Variants in ZNF892 observed in about 807,000 individuals in gnomAD.
ZNF892 encodes the protein zinc finger protein 892, also known as zinc finger protein 570-like.
chr2:95,211,775 C>T, the ZNF892 span: 1 of 398,308 alleles, frequency 2.5e-6, no homozygotes, highest in Non-Finnish European at 4.4e-6. Context: ...ACCTTGTCCT[C>T]CTCAGTTCCT....
the ZNF892 span, among the ~76,000 whole-genome samples, chr2:95,238,098 A>G: frequency 8.5e-5 from 13 of 152,274 alleles, no homozygotes; most frequent in African/African-American, 3.1e-4. Context: ...GCTACACGCA[A>G]CAACAGATTT....
chr2:95,235,510 A>C, the ZNF892 span, among the ~76,000 whole-genome samples: 4 of 152,184 alleles, frequency 2.6e-5, no homozygotes, highest in African/African-American at 7.2e-5. Context: ...TACAGGCGCC[A>C]GCCACCATGC....
the ZNF892 span, among the ~76,000 whole-genome samples, chr2:95,248,888 ATGCCC>A: frequency 6.6e-6 from 1 of 152,132 alleles, no homozygotes; most frequent in South Asian, 2.1e-4. Flanking sequence ...TAATGGAAAC[ATGCCC>A]TTCATTCTTT....
chr2:95,231,051 G>A, the ZNF892 span, among the ~76,000 whole-genome samples: 19 of 152,194 alleles, frequency 1.2e-4, no homozygotes, highest in Admixed American at 1.2e-3. Context: ...TTCTTATAAA[G>A]ATACCCATTG....
the ZNF892 span, among the ~76,000 whole-genome samples, chr2:95,253,365 G>C: frequency 6.6e-6 from 1 of 152,132 alleles, no homozygotes; most frequent in African/African-American, 2.4e-5. Context: ...TCTTGTTTCT[G>C]TCAGGTTTGT....
At chr2:95,257,408 G>T in the ZNF892 span, among the ~76,000 whole-genome samples, 1 of 152,316 alleles carries the variant, frequency 6.6e-6, no homozygotes, top group South Asian at 2.1e-4. Context: ...AGCAAATGTT[G>T]CTGCCTGATC....
the ZNF892 span, among the ~76,000 whole-genome samples, chr2:95,211,276 C>G: frequency 6.6e-6 from 1 of 152,212 alleles, no homozygotes; most frequent in Admixed American, 6.5e-5. Flanking sequence ...TTCATAATTA[C>G]ATTTTTCTCT....
the ZNF892 span, among the ~76,000 whole-genome samples, chr2:95,239,605 TG>T: frequency 6.6e-6 from 1 of 152,024 alleles, no homozygotes; most frequent in Non-Finnish European, 1.5e-5. Context: ...GATAGTTTTT[TG>T]TTTTTTTTTT....
At chr2:95,207,660 G>T in the ZNF892 span, 1 of 395,784 alleles carries the variant, frequency 2.5e-6, no homozygotes, top group South Asian at 1.4e-4. Flanking sequence ...CTTTTAATCT[G>T]AGTGTCCGGG....
chr2:95,239,246 G>A, the ZNF892 span, among the ~76,000 whole-genome samples: 3 of 152,234 alleles, frequency 2.0e-5, no homozygotes, highest in South Asian at 6.2e-4. Flanking sequence ...TTGTGGATGA[G>A]CAAAGGAAGT....
At chr2:95,224,635 C>A in the ZNF892 span, among the ~76,000 whole-genome samples, 23 of 152,322 alleles carry the variant, frequency 1.5e-4, no homozygotes, top group South Asian at 3.1e-3. Flanking sequence ...ATCCAATCGC[C>A]TCCAATCAGG....
the ZNF892 span, among the ~76,000 whole-genome samples, chr2:95,223,148 T>C: frequency 6.6e-6 from 1 of 152,224 alleles, no homozygotes; most frequent in East Asian, 1.9e-4. Context: ...ACTGTAGCTT[T>C]GTAGTAAATC....
chr2:95,218,424 G>A, the ZNF892 span, among the ~76,000 whole-genome samples: 2 of 152,250 alleles, frequency 1.3e-5, no homozygotes, highest in South Asian at 4.1e-4. Flanking sequence ...GTTCAGAGAA[G>A]TTCTTTGCCA....
At chr2:95,235,927 T>C in the ZNF892 span, among the ~76,000 whole-genome samples, 2 of 152,058 alleles carry the variant, frequency 1.3e-5, no homozygotes, top group African/African-American at 4.8e-5. Context: ...TCCCCAGAGG[T>C]TGCAGCTTTA....
the ZNF892 span, among the ~76,000 whole-genome samples, chr2:95,253,153 C>T: frequency 1.3e-5 from 2 of 152,120 alleles, no homozygotes; most frequent in Admixed American, 6.6e-5. Context: ...ACATGAAGTC[C>T]TTGCCCATGC....
chr2:95,233,291 C>T, the ZNF892 span, among the ~76,000 whole-genome samples: 1 of 151,474 alleles, frequency 6.6e-6, no homozygotes, highest in East Asian at 1.9e-4. Context: ...TTTAGAACTC[C>T]GGGGCTCAAG....
chr2:95,209,072 A>G, the ZNF892 span, among the ~76,000 whole-genome samples: 1 of 152,242 alleles, frequency 6.6e-6, no homozygotes, highest in Non-Finnish European at 1.5e-5. Flanking sequence ...ACACGAAGAA[A>G]TAGGTATTTT....
the ZNF892 span, among the ~76,000 whole-genome samples, chr2:95,247,732 A>G: frequency 6.6e-6 from 1 of 152,220 alleles, no homozygotes; most frequent in Non-Finnish European, 1.5e-5. Context: ...CAACAAACAT[A>G]TGAAAAAATG....
chr2:95,225,620 A>G, the ZNF892 span, among the ~76,000 whole-genome samples: 2 of 152,222 alleles, frequency 1.3e-5, no homozygotes, highest in Non-Finnish European at 2.9e-5. Context: ...TTCAAACCAT[A>G]GCATTCCACC....
Sources: gnomAD v4.1 joint callset for allele counts (sites outside exome capture counted in the v4.1 genomes callset) on GRCh38, gnomAD v4.1.1 for gene constraint, MANE v1.5 for transcripts, NCBI Gene and HGNC (gene_info 2026-07-23, HGNC 2026-07-21) for gene names.